The following NGEF variants were observed in gnomAD, a reference collection of about 807,000 sequenced individuals.
NGEF encodes the protein ephexin-1.
NGEF carries 31 observed loss-of-function variants against 80.9 expected under a neutral mutation model. The observed-to-expected ratio is 0.38, with a 90% CI of 0.29 to 0.52. NGEF has a LOEUF of 0.52. Among genes scored for constraint, NGEF ranks in the 20% least tolerant of loss-of-function variants. The pLI is 0.84. For missense variants in NGEF, 709 were observed against 926.2 expected, an observed-to-expected ratio of 0.77 and a Z score of 3.04; for synonymous variants, 371 against 370.2, an observed-to-expected ratio of 1.00 and a Z score of -0.03.
intron 1 of NGEF, among the ~76,000 whole-genome samples, chr2:233,003,601 C>G (rs565008167): frequency 2.0e-5 from 3 of 152,290 alleles, no homozygotes; most frequent in African/African-American, 7.2e-5. Flanking sequence ...TGCCCTACCA[C>G]CCCCACTGAA....
chr2:232,907,678 A>G (rs1692598553), intron 5 of NGEF, among the ~76,000 whole-genome samples: 2 of 89,240 alleles, frequency 2.2e-5, no homozygotes, highest in South Asian at 7.0e-4. Flanking sequence ...GCAAACATGC[A>G]TAAAAGAAAG....
chr2:232,900,030 ACATT>A (rs202181949), intron 5 of NGEF, among the ~76,000 whole-genome samples: 18,471 of 106,538 alleles, frequency 0.17, 438 homozygotes, highest in Admixed American at 0.22. Flanking sequence ...ACGTTCACTC[ACATT>A]CACTCACACA....
chr2:232,921,973 G>A (rs1692954791), intron 4 of NGEF, among the ~76,000 whole-genome samples: 1 of 105,256 alleles, frequency 9.5e-6, no homozygotes, highest in African/African-American at 2.8e-5. Context: ...TGGAGGAGAT[G>A]AGGGTCCGGC....
intron 3 of NGEF, among the ~76,000 whole-genome samples, chr2:232,927,585 C>T (rs374135899): frequency 6.6e-6 from 1 of 152,244 alleles, no homozygotes; most frequent in Non-Finnish European, 1.5e-5. Context: ...CCGATCCTCC[C>T]GTCCCCAGGC....
At chr2:232,928,502 G>A (rs1220700831) in intron 3 of NGEF, among the ~76,000 whole-genome samples, 2 of 152,152 alleles carry the variant, frequency 1.3e-5, no homozygotes, top group Admixed American at 1.3e-4. Flanking sequence ...TGCCCACGCT[G>A]GGCACCCCCT....
chr2:232,902,285 G>A lies in NGEF; in HGVS notation c.829-7369C>T, dbSNP rs1206037144. 2.6e-5 allele frequency among the ~76,000 whole-genome samples: 4 copies of A among 152,134 alleles called. No individual in the cohort carries two copies. The East Asian group carries it at 7.7e-4, about 29-fold the overall frequency. ...CCAGTTAAGAAGAAACCCCTCAAAG[G>A]CTATCCTCCTTCTGCAGACAATGAT... On this transcript the variant is annotated intron_variant, in intron 5 of 14. Transcript: ENST00000264051.
intron 5 of NGEF, among the ~76,000 whole-genome samples, chr2:232,902,543 T>C (rs1360655316): frequency 6.6e-6 from 1 of 152,164 alleles, no homozygotes; most frequent in Non-Finnish European, 1.5e-5. Flanking sequence ...GCCTCGGCAC[T>C]CACACACATC....
chr2:232,930,962 C>T (rs1471824287), intron 3 of NGEF, among the ~76,000 whole-genome samples: 1 of 152,176 alleles, frequency 6.6e-6, no homozygotes, highest in Non-Finnish European at 1.5e-5. Context: ...GGGTGACACC[C>T]AAGGTGTGAT....
intron 3 of NGEF, among the ~76,000 whole-genome samples, chr2:232,947,811 T>C (rs1242712673): frequency 6.6e-6 from 1 of 152,136 alleles, no homozygotes; most frequent in Non-Finnish European, 1.5e-5. Flanking sequence ...TTCTACAAGA[T>C]AAGAGGCCTG....
At chr2:232,970,979 G>T (rs1325683898) in intron 2 of NGEF, among the ~76,000 whole-genome samples, 3 of 152,132 alleles carry the variant, frequency 2.0e-5, no homozygotes, top group African/African-American at 7.2e-5. Flanking sequence ...AAAATCACTG[G>T]CAACTTGCCA....
At chr2:232,956,031 C>T (rs1373714298) in intron 3 of NGEF, among the ~76,000 whole-genome samples, 1 of 152,200 alleles carries the variant, frequency 6.6e-6, no homozygotes, top group South Asian at 2.1e-4. Flanking sequence ...CCAAACGTGA[C>T]TGCAGTTTAG....
intron 3 of NGEF, among the ~76,000 whole-genome samples, chr2:232,958,443 C>T (rs1448694131): frequency 3.3e-5 from 5 of 152,206 alleles, no homozygotes. Context: ...TAGATCTCAG[C>T]TTCTGCCCGG....
chr2:232,929,008 A>T (rs1693160220), intron 3 of NGEF, among the ~76,000 whole-genome samples: 1 of 152,094 alleles, frequency 6.6e-6, no homozygotes, highest in South Asian at 2.1e-4. Flanking sequence ...GATATCTAGC[A>T]AGATGCCCCC....
intron 3 of NGEF, among the ~76,000 whole-genome samples, chr2:232,928,715 G>A (rs2106286001): frequency 6.6e-6 from 1 of 152,342 alleles, no homozygotes; most frequent in South Asian, 2.1e-4. Flanking sequence ...GGCGAGTCTG[G>A]TCGCAGGACG....
intron 3 of NGEF, among the ~76,000 whole-genome samples, chr2:232,931,776 T>C (rs2106288927): frequency 6.6e-6 from 1 of 152,312 alleles, no homozygotes; most frequent in Non-Finnish European, 1.5e-5. Context: ...CCTGCAGGAC[T>C]GGACATAGAA....
chr2:232,889,831 T>C (rs1282657525), intron 8 of NGEF, among the ~76,000 whole-genome samples: 1 of 152,180 alleles, frequency 6.6e-6, no homozygotes, highest in African/African-American at 2.4e-5. Context: ...TTCTGCTCTT[T>C]CTGGAGTAGC....
chr2:232,906,143 C>T (rs541339129), intron 5 of NGEF, among the ~76,000 whole-genome samples: 1 of 81,206 alleles, frequency 1.2e-5, no homozygotes, highest in Non-Finnish European at 2.7e-5. Context: ...CCCGCCCGGC[C>T]ACCCGCCCCG....
At chr2:233,003,747 T>C (rs918382986) in intron 1 of NGEF, among the ~76,000 whole-genome samples, 13 of 151,486 alleles carry the variant, frequency 8.6e-5, no homozygotes, top group African/African-American at 2.9e-4. Context: ...ATGGTCACAA[T>C]ACAACATAAA....
chr2:232,983,191 G>C (rs1255797643), intron 1 of NGEF, among the ~76,000 whole-genome samples: 1 of 152,168 alleles, frequency 6.6e-6, no homozygotes, highest in Non-Finnish European at 1.5e-5. Flanking sequence ...CAGCAGTGGG[G>C]AGGGGCAGTA....
Sources: allele counts gnomAD v4.1 joint callset (sites outside exome capture counted in the v4.1 genomes callset), GRCh38; gene constraint gnomAD v4.1.1; transcripts MANE v1.5; gene names NCBI Gene and HGNC (gene_info 2026-07-23, HGNC 2026-07-21).